COL13A1: variants seen among roughly 807,000 people sequenced by gnomAD.
COL13A1 encodes the protein collagen alpha-1(XIII) chain.
In COL13A1, 89 loss-of-function variants were observed where a neutral mutation model predicts 130.9. The ratio of observed to expected loss-of-function variants is 0.68; its 90% CI spans 0.57 to 0.81. The LOEUF is 0.81. Ranked by LOEUF, COL13A1 falls within the 30% of genes least tolerant of loss-of-function variation. The pLI is 0.00. For missense variants in COL13A1, 879 were observed against 934.6 expected, an observed-to-expected ratio of 0.94 and a Z score of 0.78; for synonymous variants, 402 against 341.6, an observed-to-expected ratio of 1.18 and a Z score of -1.95.
chr10:69,881,640 C>A (rs756549590), intron 7 of COL13A1, among the ~76,000 whole-genome samples: 4 of 152,174 alleles, frequency 2.6e-5, no homozygotes, highest in African/African-American at 9.6e-5. Flanking sequence ...GGGGCTGGGT[C>A]GGAGGCAGAA....
chr10:69,894,828 G>A (rs1366148024), intron 12 of COL13A1, 127 bp downstream of exon 12: 2 of 1,283,530 alleles, frequency 1.6e-6, no homozygotes, highest in Non-Finnish European at 2.2e-6. Flanking sequence ...AGCCCCCGAG[G>A]TGCCGCATAA....
At chr10:69,955,449 C>T (rs1183443500) in intron 39 of COL13A1, 1 of 152,664 alleles carries the variant, frequency 6.6e-6, no homozygotes, top group African/African-American at 2.4e-5. Flanking sequence ...ACAATCTGGG[C>T]ACCTTTAGTT....
intron 2 of COL13A1, among the ~76,000 whole-genome samples, chr10:69,825,081 A>T (rs1453169140): frequency 6.6e-6 from 1 of 152,196 alleles, no homozygotes; most frequent in Non-Finnish European, 1.5e-5. Context: ...CCTATTATAA[A>T]TAATAGCAGT....
At chr10:69,893,083 G>T (rs2061338546) in intron 10 of COL13A1, among the ~76,000 whole-genome samples, 1 of 152,196 alleles carries the variant, frequency 6.6e-6, no homozygotes, top group African/African-American at 2.4e-5. Flanking sequence ...GAGCGCGGTG[G>T]CTCACACCTG....
At position 69,807,903 on chromosome 10, in the gene COL13A1, G is replaced by T. The variant is rs143394222; in HGVS notation, c.294+5186G>T. On this transcript the variant is annotated intron_variant, in intron 1 of 40. Coordinates refer to ENST00000645393, the MANE Select transcript of COL13A1 (RefSeq NM_001368882.1). ...CCTGCTCTCCATTCCAGGGCCCTCA[G>T]CAGACATTATTAATCAATTGCTGCA... 2.9e-3 allele frequency among the ~76,000 whole-genome samples: 448 copies of T among 152,244 alleles called. 2 individuals are homozygous for T. Among genetic ancestry groups the T allele is most frequent in the African/African-American group, 1.0e-2 (414 of 41,532 alleles).
intron 2 of COL13A1, among the ~76,000 whole-genome samples, chr10:69,853,845 G>A (rs1855666985): frequency 6.6e-6 from 1 of 152,214 alleles, no homozygotes; most frequent in Non-Finnish European, 1.5e-5. Context: ...GTGAACGTAG[G>A]TATGCGTGTG....
Position 69,926,004 on chromosome 10 carries a change from G to T in COL13A1, c.1398+132G>T, listed in dbSNP as rs142071642. The T allele has an allele frequency of 1.7e-4, 123 of 713,966 alleles. No individual in the cohort carries two copies. In the African/African-American group the frequency reaches 1.9e-3, roughly 11 times the overall value. 44.2% of individuals were successfully genotyped at this position (713,966 alleles called of 1,614,324 possible). On this transcript the variant is annotated intron_variant, in intron 26 of 40. Transcript: ENST00000645393. ...AGGCCCTCAGGCAGCGCTTCCAGGA[G>T]AGCTGCTTCCTCGCTTTCTCTCCTT...
intron 2 of COL13A1, among the ~76,000 whole-genome samples, chr10:69,852,286 TTGTC>T (rs778006390): frequency 6.6e-6 from 1 of 152,242 alleles, no homozygotes; most frequent in Non-Finnish European, 1.5e-5. Context: ...TTTCTGTTTG[TTGTC>T]TATCACCTGC....
At chr10:69,943,100 G>A (rs964588602) in intron 35 of COL13A1, among the ~76,000 whole-genome samples, 13 of 152,114 alleles carry the variant, frequency 8.5e-5, no homozygotes, top group Non-Finnish European at 1.9e-4. Context: ...CACCCGCCTC[G>A]GCCTCCCAAA....
At position 69,958,795 on chromosome 10, in the gene COL13A1, T is replaced by C; in HGVS notation, c.*94T>C. The C allele has an allele frequency of 6.6e-7, 1 of 1,522,622 alleles. No homozygotes were observed. 94.3% of individuals were successfully genotyped at this position (1,522,622 alleles called of 1,614,324 possible). On this transcript the variant is annotated 3_prime_UTR_variant, in exon 41 of 41. Transcript: ENST00000645393. ...CTTTTTGAAAATGCCAGAAGTATGA[T>C]GCATCTTACAGATTATTAAAAAAGA... is the stretch of plus-strand genomic sequence containing the variant.
chr10:69,944,913 A>G (rs978021222), intron 36 of COL13A1, among the ~76,000 whole-genome samples: 3 of 152,178 alleles, frequency 2.0e-5, no homozygotes, highest in African/African-American at 7.2e-5. Context: ...GGACAGCAGG[A>G]AGTCAGGAGG....
intron 16 of COL13A1, 106 bp from the exon 17 acceptor site, chr10:69,905,681 C>T: frequency 7.7e-7 from 1 of 1,291,112 alleles, no homozygotes; most frequent in Non-Finnish European, 1.1e-6. Context: ...GGCAGTGGAA[C>T]TTGGAGTCAT....
At chr10:69,847,818 A>G (rs1464839416) in intron 2 of COL13A1, among the ~76,000 whole-genome samples, 6 of 152,222 alleles carry the variant, frequency 3.9e-5, no homozygotes, top group Non-Finnish European at 8.8e-5. Flanking sequence ...CAGAAACAGC[A>G]AAGAAACCTA....
intron 39 of COL13A1, chr10:69,955,839 T>G (rs1412993565): frequency 6.6e-6 from 1 of 152,226 alleles, no homozygotes; most frequent in Non-Finnish European, 1.5e-5. Flanking sequence ...TCCCCTTGTT[T>G]CTCACTCTGC....
At chr10:69,818,827 G>A (rs10998985) in intron 1 of COL13A1, among the ~76,000 whole-genome samples, 7,686 of 152,286 alleles carry the variant, frequency 0.05, 268 homozygotes, top group East Asian at 0.16. Flanking sequence ...ACCCCCTATG[G>A]TGAGGACACT....
intron 2 of COL13A1, among the ~76,000 whole-genome samples, chr10:69,842,811 G>T (rs1260588880): frequency 6.6e-6 from 1 of 152,204 alleles, no homozygotes; most frequent in African/African-American, 2.4e-5. Context: ...GGAGCAGAGA[G>T]CCCAGCTCCC....
At chr10:69,935,200 T>C (rs1173953117) in intron 31 of COL13A1, 150 bp from the exon 32 acceptor site, 1 of 654,134 alleles carries the variant, frequency 1.5e-6, no homozygotes, top group Non-Finnish European at 2.7e-6. Context: ...TTCTGAGCCT[T>C]TTTTGGGGGA....
intron 2 of COL13A1, among the ~76,000 whole-genome samples, chr10:69,846,427 C>T (rs969773189): frequency 5.3e-5 from 8 of 152,162 alleles, no homozygotes; most frequent in African/African-American, 1.9e-4. Context: ...GGGAGGCCAG[C>T]ACTGCGACAG....
intron 12 of COL13A1, among the ~76,000 whole-genome samples, chr10:69,895,149 C>T (rs959757239): frequency 6.6e-6 from 1 of 152,244 alleles, no homozygotes; most frequent in Non-Finnish European, 1.5e-5. Flanking sequence ...GCGCTCCCAG[C>T]TCAGAGAAGG....
Sources: gnomAD v4.1 joint callset for allele counts (sites outside exome capture counted in the v4.1 genomes callset) on GRCh38, gnomAD v4.1.1 for gene constraint, MANE v1.5 for transcripts, NCBI Gene and HGNC (gene_info 2026-07-23, HGNC 2026-07-21) for gene names.